Variants in LHPP observed in about 807,000 individuals in gnomAD.
LHPP encodes the protein hLHPP.
LHPP carries 24 observed loss-of-function variants against 30.3 expected under a neutral mutation model. The ratio of observed to expected loss-of-function variants is 0.79; its 90% CI spans 0.57 to 1.11. The LOEUF (loss-of-function observed/expected upper bound fraction) is 1.11. Ranked by LOEUF, LHPP falls within the 50% of genes most tolerant of loss-of-function variation. LHPP has a pLI of 0.00. For synonymous variants in LHPP, 150 were observed against 157.1 expected, an observed-to-expected ratio of 0.95 and a Z score of 0.34; for missense variants, 356 against 367.2, an observed-to-expected ratio of 0.97 and a Z score of 0.25.
chr10:124,529,918 G>A (rs1954850611), intron 6 of LHPP, among the ~76,000 whole-genome samples: 1 of 152,226 alleles, frequency 6.6e-6, no homozygotes, highest in Non-Finnish European at 1.5e-5. Context: ...TGGGGAATCA[G>A]CCCTGCAGAT....
chr10:124,523,135 CG>C lies in LHPP; in HGVS notation c.716+5865del, dbSNP rs572248800. Among the ~76,000 whole-genome samples the C allele has an allele frequency of 1.1e-3, 175 of 152,348 alleles. 1 individual carries two copies. The highest frequency in any genetic ancestry group is 3.5e-3 in the African/African-American group (145 of 41,574). On this transcript the variant is annotated intron_variant, in intron 6 of 6. Coordinates refer to ENST00000368842, the MANE Select transcript of LHPP (RefSeq NM_022126.4). This position sits in a 1 kb window ranked among gnomAD's most constrained non-coding sequence, Gnocchi z 4.2. ...GTAAATAAAGCCGCGATGCGGAGCT[CG>C]CCTCTGGTCTTCTCTTATTGTTTAC...
chr10:124,504,755 T>C (rs1954012071), intron 5 of LHPP, among the ~76,000 whole-genome samples: 1 of 152,134 alleles, frequency 6.6e-6, no homozygotes, highest in Non-Finnish European at 1.5e-5. Flanking sequence ...TCCCTGCCTT[T>C]TTCTTGTGGC....
At chr10:124,602,682 A>G (rs1589711622) in intron 6 of LHPP, among the ~76,000 whole-genome samples, 1 of 152,048 alleles carries the variant, frequency 6.6e-6, no homozygotes, top group Non-Finnish European at 1.5e-5. Context: ...GGCCCTGGGC[A>G]CCACCCACTG....
At position 124,576,379 on chromosome 10, in the gene LHPP, G is replaced by GA. The variant is rs1437381073; in HGVS notation, c.717-36884dup. 6.6e-6 allele frequency among the ~76,000 whole-genome samples: 1 copy of GA among 151,554 alleles called. No individual in the cohort carries two copies. The highest frequency in any genetic ancestry group is 2.4e-5 in the African/African-American group (1 of 41,200). ...ACCCCACTTCAGGGGTTGCCCCCAG[G>GA]ACCCCCCTTGCGGTACCCGTATATC... On this transcript the variant is annotated intron_variant, in intron 6 of 6. Transcript: ENST00000368842. This position sits in a 1 kb window ranked among gnomAD's most constrained non-coding sequence, Gnocchi z 4.2.
chr10:124,543,468 G>A (rs1226775331), intron 6 of LHPP, among the ~76,000 whole-genome samples: 1 of 152,256 alleles, frequency 6.6e-6, no homozygotes, highest in East Asian at 1.9e-4. Context: ...GAAGGCGGAG[G>A]TCTGGGAGCC....
At chr10:124,611,719 C>T (rs1408805382) in intron 6 of LHPP, among the ~76,000 whole-genome samples, 1 of 152,120 alleles carries the variant, frequency 6.6e-6, no homozygotes, top group African/African-American at 2.4e-5. Context: ...AAGAAAAAGC[C>T]CCCCTGCCCA....
chr10:124,524,275 ATTT>A (rs59957047), intron 6 of LHPP, among the ~76,000 whole-genome samples: 22 of 126,146 alleles, frequency 1.7e-4, no homozygotes, highest in East Asian at 9.2e-4. Context: ...TTTTGTTTTC[ATTT>A]TTTTTTTTTT....
rs1948948957 is a variant in LHPP at position 124,596,814 on chromosome 10, A to G, written c.717-16450A>G. Among the ~76,000 whole-genome samples the G allele has an allele frequency of 6.6e-6, 1 of 152,176 alleles. No homozygotes were observed. Among genetic ancestry groups the G allele is most frequent in the Non-Finnish European group, 1.5e-5 (1 of 68,032 alleles). On this transcript the variant is annotated intron_variant, in intron 6 of 6. Transcript: ENST00000368842. The surrounding 1 kb of genome is among the most constrained non-coding windows in gnomAD (Gnocchi z 4.6). ...CCATGATGGTGAATATGAGGTGTCA[A>G]CCTGATTGGATTGAAGGATGCCTAG...
rs537714496 is a variant in LHPP at position 124,565,177 on chromosome 10, G to A, written c.716+47906G>A. On this transcript the variant is annotated intron_variant, in intron 6 of 6. Coordinates refer to ENST00000368842, the MANE Select transcript of LHPP (RefSeq NM_022126.4). ...ACTCGCCGAAGCTCCCCTCCCCACAGCAACCTGAGCTTCTGCAAAAGCTGA... is the reference window on the plus strand; with the variant it reads ...ACTCGCCGAAGCTCCCCTCCCCACAACAACCTGAGCTTCTGCAAAAGCTGA... 1.7e-4 allele frequency among the ~76,000 whole-genome samples: 26 copies of A among 152,256 alleles called. No homozygotes were observed. The South Asian group carries it at 5.2e-3, about 30-fold the overall frequency.
At chr10:124,529,699 C>T (rs1327775084) in intron 6 of LHPP, among the ~76,000 whole-genome samples, 2 of 152,164 alleles carry the variant, frequency 1.3e-5, no homozygotes, top group Non-Finnish European at 2.9e-5. Flanking sequence ...CCACGCCCTG[C>T]ACTCTGTCCC....
At position 124,553,472 on chromosome 10, in the gene LHPP, T is replaced by G. The variant is rs112311494; in HGVS notation, c.716+36201T>G. On this transcript the variant is annotated intron_variant, in intron 6 of 6. Transcript: ENST00000368842. Reference sequence around the variant, plus strand: ...TTCTTTTTTTTTTTTTTTTTTTTTTTTTTTGAGACGGAGTCTCGCTCTGTC... The same window carrying G: ...TTCTTTTTTTTTTTTTTTTTTTTTTGTTTTGAGACGGAGTCTCGCTCTGTC... Among the ~76,000 whole-genome samples the G allele has an allele frequency of 8.3e-5, 12 of 145,298 alleles. No homozygotes were observed. The East Asian group carries it at 1.0e-3, about 12-fold the overall frequency.
At chr10:124,589,791 G>C (rs770091155) in intron 6 of LHPP, among the ~76,000 whole-genome samples, 1 of 152,110 alleles carries the variant, frequency 6.6e-6, no homozygotes, top group Non-Finnish European at 1.5e-5. Flanking sequence ...AGGCCTGCAG[G>C]GTCCCTGGTG....
chr10:124,516,779 T>C (rs1481795572), intron 5 of LHPP, among the ~76,000 whole-genome samples: 3 of 152,126 alleles, frequency 2.0e-5, no homozygotes, highest in Admixed American at 6.6e-5. Context: ...CTTACAAAGA[T>C]TTGCCAGAGA....
intron 6 of LHPP, among the ~76,000 whole-genome samples, chr10:124,557,363 C>G (rs4962380): frequency 0.58 from 87,572 of 152,106 alleles, 25,579 homozygotes; most frequent in Non-Finnish European, 0.61. Context: ...GTAGTGCTCA[C>G]CAAATGCCTG....
At chr10:124,560,324 C>T (rs1329961448) in intron 6 of LHPP, among the ~76,000 whole-genome samples, 5 of 152,192 alleles carry the variant, frequency 3.3e-5, no homozygotes, top group Non-Finnish European at 5.9e-5. Flanking sequence ...TATTTCCTTC[C>T]CGTCTCCTCC....
At chr10:124,546,425 C>G (rs866277196) in intron 6 of LHPP, among the ~76,000 whole-genome samples, 2 of 151,724 alleles carry the variant, frequency 1.3e-5, no homozygotes, top group Non-Finnish European at 2.9e-5. Flanking sequence ...TTTTTTGAGA[C>G]GGAGTCTCAC....
At chr10:124,484,961 A>G (rs867221088) in intron 2 of LHPP, among the ~76,000 whole-genome samples, 1 of 152,180 alleles carries the variant, frequency 6.6e-6, no homozygotes, top group Non-Finnish European at 1.5e-5. Context: ...TTTAAAAAGA[A>G]GAGACATTAG....
At chr10:124,490,696 A>C (rs1325569305) in intron 3 of LHPP, 1 of 165,032 alleles carries the variant, frequency 6.1e-6, no homozygotes. Context: ...TGTGATGAGC[A>C]TCTTGGTGCA....
intron 1 of LHPP, among the ~76,000 whole-genome samples, chr10:124,477,439 T>C (rs1309478951): frequency 6.6e-6 from 1 of 152,158 alleles, no homozygotes; most frequent in Non-Finnish European, 1.5e-5. Flanking sequence ...AGGAGCAGGC[T>C]GGGAGTTAGG....
Sources: gnomAD v4.1 joint callset for allele counts (sites outside exome capture counted in the v4.1 genomes callset) on GRCh38, gnomAD v4.1.1 for gene constraint, Gnocchi (gnomAD v3.1) non-coding constraint, MANE v1.5 for transcripts, NCBI Gene and HGNC (gene_info 2026-07-23, HGNC 2026-07-21) for gene names.